Variants in YBX3 observed in about 807,000 individuals in gnomAD.
The protein encoded by YBX3 is Y-box binding protein 3, also known as Y-box-binding protein 3.
Under a neutral mutation model 42.4 loss-of-function variants are expected in YBX3, and 29 were observed. That is an observed-to-expected ratio of 0.68 (90% CI 0.51 to 0.93). The LOEUF (loss-of-function observed/expected upper bound fraction) is 0.93. Ranked by LOEUF, YBX3 falls within the 40% of genes least tolerant of loss-of-function variation. YBX3 has a pLI of 0.00. For synonymous variants in YBX3, 195 were observed against 189.8 expected (o/e 1.03, Z -0.22); for missense variants, 517 against 527.5 (o/e 0.98, Z 0.19).
intron 5 of YBX3, chr12:10,711,303 TA>T (rs1166300579): frequency 6.6e-6 from 1 of 152,038 alleles, no homozygotes; most frequent in Non-Finnish European, 1.5e-5. Context: ...AATGAATAAA[TA>T]AAAAAAGCAA....
At chr12:10,718,424 T>C in intron 2 of YBX3, 1 of 275,406 alleles carries the variant, frequency 3.6e-6, no homozygotes, top group Non-Finnish European at 6.8e-6. Context: ...GCCTCAGATT[T>C]TCCTCCCAGC....
chr12:10,713,064 A>G, intron 5 of YBX3, 147 bp downstream of exon 5: 1 of 1,138,012 alleles, frequency 8.8e-7, no homozygotes, highest in Non-Finnish European at 1.2e-6. Flanking sequence ...AAAATAAGAT[A>G]AAAATTTCCT....
intron 7 of YBX3, chr12:10,703,727 C>T (rs1212522442): frequency 3.2e-6 from 1 of 316,174 alleles, no homozygotes; most frequent in East Asian, 8.2e-5. Flanking sequence ...TCCTCTGACA[C>T]TCAATTCTTC....
At chr12:10,705,296 T>C (rs1411971486) in intron 6 of YBX3, among the ~76,000 whole-genome samples, 1 of 152,192 alleles carries the variant, frequency 6.6e-6, no homozygotes, top group Non-Finnish European at 1.5e-5. Flanking sequence ...GGTTTCATCA[T>C]GTTGGCCAGG....
At chr12:10,704,457 T>C (rs763915744) in intron 6 of YBX3, 62 of 201,512 alleles carry the variant, frequency 3.1e-4, no homozygotes, top group Admixed American at 2.0e-3. Flanking sequence ...AAATACTCTT[T>C]TATTTTTCTT....
At chr12:10,704,894 G>A (rs866517028) in intron 6 of YBX3, among the ~76,000 whole-genome samples, 1 of 152,042 alleles carries the variant, frequency 6.6e-6, no homozygotes, top group Non-Finnish European at 1.5e-5. Flanking sequence ...TTCCATCCAA[G>A]CATATATACC....
intron 5 of YBX3, chr12:10,712,877 A>G (rs1024490153): frequency 1.9e-5 from 4 of 210,480 alleles, no homozygotes; most frequent in African/African-American, 9.2e-5. Flanking sequence ...GTGTCTAATG[A>G]GACCAGCGGC....
chr12:10,709,955 T>A lies in YBX3; in HGVS notation c.733A>T (p.Thr245Ser). ...AAGACCCGTGAGCGACGGTCAAAGG[T>A]CTGTCCCACGTGGTAAGGCGGGAAC... ...RRFPPYHVGQTFDRRSRVLPH... is the reference protein window; with the variant it reads ...RRFPPYHVGQSFDRRSRVLPH... Residue 245 changes from threonine to serine, a missense_variant, in exon 6 of 10, where the codon ACC (threonine) becomes TCC (serine). By Grantham distance (58) the Thr-to-Ser change is moderately conservative. Around this residue, in one of 3 missense-constraint regions of YBX3, gnomAD observed 420 missense variants for 408.5 expected, o/e 1.03. Coordinates refer to ENST00000228251, the MANE Select transcript of YBX3 (RefSeq NM_003651.5). The A allele has an allele frequency of 6.2e-7, 1 of 1,614,184 alleles. No individual in the cohort carries two copies. The highest frequency in any genetic ancestry group is 8.5e-7 in the Non-Finnish European group (1 of 1,180,012).
intron 4 of YBX3, among the ~76,000 whole-genome samples, chr12:10,714,126 T>G (rs892781185): frequency 1.6e-4 from 25 of 152,332 alleles, no homozygotes; most frequent in Middle Eastern, 6.8e-3. Context: ...GGTGAGTGAT[T>G]TGAAAATCTA....
At chr12:10,716,469 T>C (rs1948263544) in intron 3 of YBX3, among the ~76,000 whole-genome samples, 1 of 152,186 alleles carries the variant, frequency 6.6e-6, no homozygotes, top group African/African-American at 2.4e-5. Context: ...TCCCTGATAA[T>C]ACATTAAAAG....
chr12:10,710,159 G>A (rs1948184777), intron 5 of YBX3, 45 bp from the exon 6 acceptor site: 3 of 1,590,506 alleles, frequency 1.9e-6, no homozygotes, highest in Non-Finnish European at 1.7e-6. Flanking sequence ...TTTTAGCAAG[G>A]AAAGAACCAA....
intron 1 of YBX3, among the ~76,000 whole-genome samples, chr12:10,720,274 T>A (rs1948310098): frequency 6.6e-6 from 1 of 152,248 alleles, no homozygotes. Flanking sequence ...AATTAAGACT[T>A]GCTCTGTTGT....
At chr12:10,720,589 C>T (rs2120991357) in intron 1 of YBX3, among the ~76,000 whole-genome samples, 1 of 152,212 alleles carries the variant, frequency 6.6e-6, no homozygotes, top group Admixed American at 6.5e-5. Flanking sequence ...GTTTTTGATA[C>T]ATTATATGCA....
intron 1 of YBX3, among the ~76,000 whole-genome samples, chr12:10,719,450 G>A (rs768305453): frequency 3.9e-5 from 6 of 152,142 alleles, no homozygotes; most frequent in Non-Finnish European, 7.4e-5. Context: ...AAAAAAGAAT[G>A]TTCAAGATGA....
In YBX3 at chr12:10,722,927, G is replaced by A. The variant is rs1453146957; in HGVS notation, c.185C>T (p.Pro62Leu). The stretch of plus-strand genomic sequence containing the variant: ...GGCGGCCGCGGTGCCCGTGGCTGCG[G>A]GGGCCGCGTCCCCACCGGGGTTTCC... ...VAGNPGGDAAPAATGTAAAAS... is the reference protein window; with the variant it reads ...VAGNPGGDAALAATGTAAAAS... Residue 62 changes from proline to leucine, a missense_variant, in exon 1 of 10, where the codon CCC (proline) becomes CTC (leucine). Pro to Leu is a moderately conservative substitution (Grantham distance 98). This residue lies in a region of YBX3 where 11 missense variants were observed against 36.5 expected (regional missense o/e 0.30). Coordinates refer to ENST00000228251, the MANE Select transcript of YBX3 (RefSeq NM_003651.5). 1 of 1,371,864 alleles carries A rather than the reference G, an allele frequency of 7.3e-7. No homozygotes were observed. The highest frequency in any genetic ancestry group is 9.4e-7 in the Non-Finnish European group (1 of 1,063,660). 85.0% of individuals were successfully genotyped at this position (1,371,864 alleles called of 1,614,324 possible).
rs1948356112 is a variant in YBX3, at chr12:10,723,189, G to A, written c.-78C>T. The A allele has an allele frequency of 1.7e-6, 2 of 1,180,148 alleles. No individual in the cohort carries two copies. The highest frequency in any genetic ancestry group is 2.1e-6 in the Non-Finnish European group (2 of 954,822). 73.1% of individuals were successfully genotyped at this position (1,180,148 alleles called of 1,614,324 possible). A position where few individuals can be genotyped will look rare whatever the true frequency, so the allele number is the denominator to read the frequency against. On this transcript the variant is annotated 5_prime_UTR_variant, in exon 1 of 10. Coordinates refer to ENST00000228251, the MANE Select transcript of YBX3 (RefSeq NM_003651.5). ...GTTAGCGCGGCTGGTGGTCGCGGCGGCCGGGGCTCGCTCTCGGGGAGGCCG... is the reference window on the plus strand; with the variant it reads ...GTTAGCGCGGCTGGTGGTCGCGGCGACCGGGGCTCGCTCTCGGGGAGGCCG...
At chr12:10,722,509 T>G in intron 1 of YBX3, 1 of 181,990 alleles carries the variant, frequency 5.5e-6, no homozygotes. Flanking sequence ...TGCCTCTCCT[T>G]TCTTCTCCAA....
chr12:10,720,692 A>G (rs1948314845), intron 1 of YBX3: 1 of 152,212 alleles, frequency 6.6e-6, no homozygotes, highest in Admixed American at 6.5e-5. Flanking sequence ...AAAGACTGGA[A>G]CTGTTTTTAA....
intron 7 of YBX3, chr12:10,703,676 T>C (rs1948105788): frequency 1.2e-5 from 4 of 340,134 alleles, no homozygotes; most frequent in Non-Finnish European, 2.3e-5. Flanking sequence ...TTAACCCCTC[T>C]ACTGGACTGC....
Sources: allele counts gnomAD v4.1 joint callset (sites outside exome capture counted in the v4.1 genomes callset), GRCh38; gene constraint gnomAD v4.1.1; regional missense constraint gnomAD v4.1.1; transcripts MANE v1.5; gene names NCBI Gene and HGNC (gene_info 2026-07-23, HGNC 2026-07-21).